CDK5RAP2: variants seen among roughly 807,000 people sequenced by gnomAD.
CDK5RAP2 encodes the protein CDK5 regulatory subunit associated protein 2.
CDK5RAP2 carries 147 observed loss-of-function variants against 232.9 expected under a neutral mutation model. The ratio of observed to expected loss-of-function variants is 0.63; its 90% CI spans 0.55 to 0.72. The LOEUF (loss-of-function observed/expected upper bound fraction) is 0.72, where lower values mean the gene tolerates loss of function less well. Ranked by LOEUF, CDK5RAP2 falls within the 30% of genes least tolerant of loss-of-function variation. The pLI is 0.00. For synonymous variants in CDK5RAP2, 833 were observed against 833.7 expected (o/e 1.00, Z 0.01); for missense variants, 2,195 against 2,231.5 (o/e 0.98, Z 0.33).
At chr9:120,461,652 G>GC (rs1283014913) in intron 18 of CDK5RAP2, among the ~76,000 whole-genome samples, 1 of 152,170 alleles carries the variant, frequency 6.6e-6, no homozygotes, top group African/African-American at 2.4e-5. Context: ...ACCAGTCAGG[G>GC]CAACAGAGTG....
intron 7 of CDK5RAP2, among the ~76,000 whole-genome samples, chr9:120,531,206 G>C (rs756533008): frequency 1.1e-4 from 16 of 151,802 alleles, no homozygotes; most frequent in Non-Finnish European, 2.4e-4. Flanking sequence ...ACTGTTTCAT[G>C]CCTCTACACC....
intron 12 of CDK5RAP2, among the ~76,000 whole-genome samples, chr9:120,512,728 A>G (rs374845945): frequency 5.3e-5 from 8 of 152,346 alleles, no homozygotes; most frequent in Admixed American, 3.9e-4. Flanking sequence ...TGTCACATAT[A>G]TATCACCTTC....
rs1269799425 is a variant in CDK5RAP2 at position 120,513,818 on chromosome 9, C to T, written c.1311+4609G>A. Among the ~76,000 whole-genome samples, 3 of 152,188 alleles carry T rather than the reference C, an allele frequency of 2.0e-5. No homozygotes were observed. The East Asian group carries it at 5.8e-4, about 29-fold the overall frequency. Reference sequence around the variant, plus strand: ...AGACCACTAAAAGGTCTAGGTTTTTCTGTCTGTTTCAATCCAAAAGCAACA... The same window carrying T: ...AGACCACTAAAAGGTCTAGGTTTTTTTGTCTGTTTCAATCCAAAAGCAACA... On this transcript the variant is annotated intron_variant, in intron 12 of 37. Transcript: ENST00000349780.
At chr9:120,552,864 T>C (rs1035843507) in intron 3 of CDK5RAP2, among the ~76,000 whole-genome samples, 14 of 151,496 alleles carry the variant, frequency 9.2e-5, no homozygotes, top group African/African-American at 3.4e-4. Context: ...AAAAGAGTGC[T>C]GTGTCATGAC....
In CDK5RAP2 at chr9:120,525,003, G is replaced by A; in HGVS notation, c.1075C>T (p.Gln359Ter). The change falls in exon 11 of 38, where the codon CAG becomes TAG. Residue 359 changes from glutamine to a stop codon, truncating the protein, a stop_gained. Coordinates refer to ENST00000349780, the MANE Select transcript of CDK5RAP2 (RefSeq NM_018249.6). LOFTEE classifies it high-confidence loss of function. The stretch of plus-strand genomic sequence containing the variant: ...ACACTTACCTGAAATTCCTGGGTCT[G>A]TGCTTTCTGTAGGGCCTCTCTGGCT... ...AKAREALQKAQTQEFQGSEDY... is the reference protein window; with the variant it reads ...AKAREALQKA 1 of 1,613,826 alleles carries A rather than the reference G, an allele frequency of 6.2e-7. No homozygotes were observed. Among genetic ancestry groups the A allele is most frequent in the Non-Finnish European group, 8.5e-7 (1 of 1,179,716 alleles).
intron 10 of CDK5RAP2, among the ~76,000 whole-genome samples, chr9:120,525,531 G>C (rs756638214): frequency 7.2e-5 from 11 of 151,966 alleles, no homozygotes; most frequent in Admixed American, 1.3e-4. Flanking sequence ...CCAGCACCCA[G>C]AGCAGCTCTG....
chr9:120,411,541 G>C, intron 28 of CDK5RAP2, 67 bp from the exon 29 acceptor site: 1 of 879,236 alleles, frequency 1.1e-6, no homozygotes, highest in Admixed American at 1.7e-5. Flanking sequence ...GAACTTTCTA[G>C]AAAGCAGTTT....
intron 25 of CDK5RAP2, among the ~76,000 whole-genome samples, chr9:120,430,242 A>G (rs1188950686): frequency 1.3e-5 from 2 of 152,206 alleles, no homozygotes; most frequent in Non-Finnish European, 1.5e-5. Context: ...AATGGCAACA[A>G]AAGCCAAAAT....
chr9:120,453,956 C>A (rs756985530), intron 20 of CDK5RAP2, 83 bp from the exon 21 acceptor site: 10 of 1,377,446 alleles, frequency 7.3e-6, no homozygotes, highest in Non-Finnish European at 9.3e-6. Context: ...AAGTTATCCC[C>A]ACCTACTGTT....
At chr9:120,440,915 T>G (rs929654976) in intron 23 of CDK5RAP2, among the ~76,000 whole-genome samples, 8 of 152,230 alleles carry the variant, frequency 5.3e-5, no homozygotes, top group Non-Finnish European at 1.0e-4. Context: ...TCCCCTTTAG[T>G]GAGGTGTTTC....
At position 120,491,390 on chromosome 9, in the gene CDK5RAP2, C is replaced by G. The variant is rs780752973; in HGVS notation, c.1399G>C (p.Glu467Gln). 6.2e-7 allele frequency: 1 copy of G among 1,612,212 alleles called. No homozygotes were observed. Among genetic ancestry groups the G allele is most frequent in the South Asian group, 1.1e-5 (1 of 91,000 alleles). The change falls in exon 13 of 38, where the codon GAA becomes CAA. Residue 467 changes from glutamate to glutamine, a missense_variant. Coordinates refer to ENST00000349780, the MANE Select transcript of CDK5RAP2 (RefSeq NM_018249.6). ...TGATTGTGCAATTTTTTATTGCTTT[C>G]ACTCAGAAGACTCTTGTAACGATTT... ...MENRYKSLLS[E>Q]SNKKLHNQEQ...
intron 28 of CDK5RAP2, among the ~76,000 whole-genome samples, chr9:120,414,686 C>T (rs755747256): frequency 5.3e-5 from 8 of 152,112 alleles, no homozygotes; most frequent in African/African-American, 1.2e-4. Context: ...TCTTCATGGA[C>T]GATCACTCTA....
intron 36 of CDK5RAP2, among the ~76,000 whole-genome samples, chr9:120,392,802 AC>A (rs894534407): frequency 3.9e-5 from 6 of 151,994 alleles, no homozygotes; most frequent in Non-Finnish European, 7.4e-5. Context: ...ATCTTTCAAA[AC>A]CATCCCTTCT....
intron 3 of CDK5RAP2, among the ~76,000 whole-genome samples, chr9:120,552,035 T>C (rs373232864): frequency 7.1e-4 from 108 of 151,694 alleles, no homozygotes; most frequent in East Asian, 5.0e-3. Flanking sequence ...GGGCAAAGGA[T>C]ATGAACAGAC....
Position 120,407,215 on chromosome 9 carries a change from G to T in CDK5RAP2, c.4760C>A (p.Pro1587His). The T allele has an allele frequency of 6.2e-7, 1 of 1,613,516 alleles. No homozygotes were observed. The change falls in exon 32 of 38, where the codon CCT becomes CAT. Residue 1587 changes from proline (P) to histidine (H), a missense_variant. Transcript: ENST00000349780. ...ASGEGWKGQD[P>H]FRDLHSLLME... Reference sequence around the variant, plus strand: ...CAGGAGGCTGTGCAGGTCCCTGAAAGGATCCTGCCCCTTCCAGCCTTCTCC... The same window carrying T: ...CAGGAGGCTGTGCAGGTCCCTGAAATGATCCTGCCCCTTCCAGCCTTCTCC...
Position 120,403,124 on chromosome 9 carries a change from C to T in CDK5RAP2, c.5042-53G>A. On this transcript the variant is annotated intron_variant, in intron 33 of 37. Transcript: ENST00000349780. The surrounding 1 kb of genome is among the most constrained non-coding windows in gnomAD (Gnocchi z 4.2). ...TCTGTTTCAGGTAACACTCTGCGTTCAAGACGCTTATGATGTTGAAGCTAG... is the reference window on the plus strand; with the variant it reads ...TCTGTTTCAGGTAACACTCTGCGTTTAAGACGCTTATGATGTTGAAGCTAG... The T allele has an allele frequency of 1.3e-6, 2 of 1,589,282 alleles. No individual in the cohort carries two copies. The highest frequency in any genetic ancestry group is 1.7e-6 in the Non-Finnish European group (2 of 1,158,368).
chr9:120,487,989 T>C (rs2038702446), intron 13 of CDK5RAP2, among the ~76,000 whole-genome samples: 1 of 152,220 alleles, frequency 6.6e-6, no homozygotes, highest in Admixed American at 6.5e-5. Context: ...TGGTCACATG[T>C]GAAAGGCTCC....
intron 12 of CDK5RAP2, among the ~76,000 whole-genome samples, chr9:120,493,512 T>C (rs957860151): frequency 1.8e-4 from 27 of 152,212 alleles, no homozygotes; most frequent in African/African-American, 5.8e-4. Flanking sequence ...GATCAATAGC[T>C]AGTAACATCA....
At chr9:120,404,600 T>C (rs762023174) in intron 32 of CDK5RAP2, among the ~76,000 whole-genome samples, 1 of 152,140 alleles carries the variant, frequency 6.6e-6, no homozygotes, top group African/African-American at 2.4e-5. Context: ...AAGCAGTTCA[T>C]AGACCCAAGG....
Sources: gnomAD v4.1 joint callset for allele counts (sites outside exome capture counted in the v4.1 genomes callset) on GRCh38, gnomAD v4.1.1 for gene constraint, Gnocchi (gnomAD v3.1) non-coding constraint, MANE v1.5 for transcripts, NCBI Gene and HGNC (gene_info 2026-07-23, HGNC 2026-07-21) for gene names.